UBR3: variants seen among roughly 807,000 people sequenced by gnomAD.
UBR3 encodes ubiquitin protein ligase E3 component n-recognin 3.
UBR3 carries 85 observed loss-of-function variants against 243.2 expected under a neutral mutation model. The observed-to-expected ratio is 0.35, with a 90% CI of 0.29 to 0.42. The LOEUF is 0.42. Among genes scored for constraint, UBR3 ranks in the 10% least tolerant of loss-of-function variants. The probability of loss-of-function intolerance (pLI) is 1.00; values close to 1 mark genes in which losing one functional copy is unlikely to be tolerated. For missense variants in UBR3, 1,686 were observed against 2,300.8 expected (o/e 0.73, Z 5.47); for synonymous variants, 748 against 799.8 (o/e 0.94, Z 1.09).
chr2:169,964,548 A>C, intron 24 of UBR3: 1 of 433,438 alleles, frequency 2.3e-6, no homozygotes, highest in South Asian at 1.8e-5. Context: ...GGTAAGTTCC[A>C]CTGGCTTTAA....
At chr2:170,015,775 A>G (rs988158471) in intron 30 of UBR3, among the ~76,000 whole-genome samples, 1 of 151,944 alleles carries the variant, frequency 6.6e-6, no homozygotes, top group African/African-American at 2.4e-5. Flanking sequence ...TGATGTGTAT[A>G]TTAAAATGTA....
At chr2:169,961,151 C>T (rs2087553863) in intron 24 of UBR3, among the ~76,000 whole-genome samples, 1 of 151,980 alleles carries the variant, frequency 6.6e-6, no homozygotes. Flanking sequence ...CTCAATCATA[C>T]AGTAGTCTTT....
At position 170,081,851 on chromosome 2, in the gene UBR3, C is replaced by T; in HGVS notation, c.*8C>T. The T allele has an allele frequency of 6.5e-7, 1 of 1,526,870 alleles. No individual in the cohort carries two copies. The highest frequency in any genetic ancestry group is 8.9e-7 in the Non-Finnish European group (1 of 1,122,962). 94.6% of individuals were successfully genotyped at this position (1,526,870 alleles called of 1,614,324 possible). A position where few individuals can be genotyped will look rare whatever the true frequency, so the allele number is the denominator to read the frequency against. ...CATTACAATGGGCTGTGACTCTCCA[C>T]CTCAGCATTGCATCGTATCATCATT... On this transcript the variant is annotated 3_prime_UTR_variant, in exon 39 of 39. Coordinates refer to ENST00000272793, the MANE Select transcript of UBR3 (RefSeq NM_172070.4).
Position 170,080,574 on chromosome 2 carries a change from T to G in UBR3, c.5439T>G (p.Gly1813=), listed in dbSNP as rs769563045. The part of the protein sequence containing the change: ...LHSQNCGAGT[G]IFLLINASVI... The stretch of plus-strand genomic sequence containing the variant: ...CTCAGAACTGTGGTGCAGGAACAGG[T>G]ATTTTCCTTTTGATCAATGCATCGG... The change falls in exon 38 of 39, where the codon GGT becomes GGG. Residue 1813 remains glycine, a synonymous_variant. Coordinates refer to ENST00000272793, the MANE Select transcript of UBR3 (RefSeq NM_172070.4). 15 of 1,613,724 alleles carry G rather than the reference T, an allele frequency of 9.3e-6. No homozygotes were observed. The highest frequency in any genetic ancestry group is 1.2e-5 in the Non-Finnish European group (14 of 1,179,808).
chr2:170,053,349 A>G (rs2091264762), intron 32 of UBR3, among the ~76,000 whole-genome samples: 1 of 152,214 alleles, frequency 6.6e-6, no homozygotes, highest in Non-Finnish European at 1.5e-5. Flanking sequence ...TTGGGCACTG[A>G]GTCTCTAATG....
intron 24 of UBR3, among the ~76,000 whole-genome samples, chr2:169,979,743 G>A (rs1320610649): frequency 6.6e-6 from 1 of 152,174 alleles, no homozygotes; most frequent in Non-Finnish European, 1.5e-5. Context: ...CAGGGTTGAG[G>A]CACAGGTGAA....
intron 33 of UBR3, 62 bp downstream of exon 33, chr2:170,055,646 T>G: frequency 6.3e-7 from 1 of 1,591,326 alleles, no homozygotes; most frequent in Non-Finnish European, 8.6e-7. Context: ...CTGGGGATAT[T>G]GAGTGAATAA....
chr2:169,890,569 A>ATATATGTGTG, intron 5 of UBR3, among the ~76,000 whole-genome samples: 2 of 101,546 alleles, frequency 2.0e-5, no homozygotes, highest in South Asian at 6.5e-4. Context: ...ATATATGTGT[A>ATATATGTGTG]TATATATATA....
chr2:169,956,382 C>T (rs1308643864), intron 23 of UBR3, among the ~76,000 whole-genome samples: 4 of 151,230 alleles, frequency 2.6e-5, no homozygotes, highest in Admixed American at 2.6e-4. Flanking sequence ...ATACAAATGC[C>T]CTCCCGTGCC....
chr2:170,078,316 G>A (rs1316497448), intron 36 of UBR3: 4 of 273,860 alleles, frequency 1.5e-5, no homozygotes. Context: ...AGCCCCTGGG[G>A]TGCGAAAATG....
At chr2:169,832,000 T>C (rs2081955264) in intron 1 of UBR3, among the ~76,000 whole-genome samples, 1 of 152,220 alleles carries the variant, frequency 6.6e-6, no homozygotes, top group African/African-American at 2.4e-5. Context: ...ATAATCCTTT[T>C]CACCAGTGTC....
At chr2:169,835,740 C>G (rs2082063741) in intron 1 of UBR3, among the ~76,000 whole-genome samples, 1 of 151,852 alleles carries the variant, frequency 6.6e-6, no homozygotes, top group African/African-American at 2.4e-5. Flanking sequence ...CGTGCGTGGC[C>G]TAATTTTTAA....
chr2:169,932,770 C>A, intron 18 of UBR3, 142 bp from the exon 19 acceptor site: 1 of 648,288 alleles, frequency 1.5e-6, no homozygotes, highest in Non-Finnish European at 2.5e-6. Flanking sequence ...ATCATGGCAT[C>A]AAGCTTCTTA....
At chr2:170,004,315 G>T (rs1384553489) in intron 27 of UBR3, among the ~76,000 whole-genome samples, 2 of 152,166 alleles carry the variant, frequency 1.3e-5, no homozygotes, top group African/African-American at 2.4e-5. Flanking sequence ...GACACTGAAA[G>T]ATTTTGATTG....
At position 170,061,159 on chromosome 2, in the gene UBR3, T is replaced by A; in HGVS notation, c.4866T>A (p.His1622Gln). The A allele has an allele frequency of 6.3e-7, 1 of 1,599,798 alleles. No individual in the cohort carries two copies. ...AACTATTTAAAGGAAAGTTATACCA[T>A]GAAGAAGGAACTCAGGAATGTGCAA... Reference protein sequence around the residue: ...ISELFKGKLYHEEGTQECAMV... With the variant: ...ISELFKGKLYQEEGTQECAMV... The change falls in exon 34 of 39, where the codon CAT (histidine) becomes CAA (glutamine). Residue 1622 changes from histidine (H) to glutamine (Q), a missense_variant. Coordinates refer to ENST00000272793, the MANE Select transcript of UBR3 (RefSeq NM_172070.4).
In UBR3 at chr2:169,905,199, T is replaced by C; in HGVS notation, c.1551T>C (p.Phe517=). ...CTTACTGGCCTCTTGTTAGTGATTT[T>C]ATTAATATTCTTTCTCATCAAAGTG... ...NNTYWPLVSD[F]INILSHQSVA... The change falls in exon 9 of 39, where the codon TTT becomes TTC. Residue 517 remains phenylalanine (F), a synonymous_variant. Transcript: ENST00000272793. 1 of 1,542,738 alleles carries C rather than the reference T, an allele frequency of 6.5e-7. No homozygotes were observed. Among genetic ancestry groups the C allele is most frequent in the Admixed American group, 2.0e-5 (1 of 49,856 alleles).
chr2:170,007,374 A>G (rs1221927247), intron 28 of UBR3, among the ~76,000 whole-genome samples, 184 bp downstream of exon 28: 3 of 152,220 alleles, frequency 2.0e-5, no homozygotes, highest in African/African-American at 2.4e-5. Flanking sequence ...ATCAAAGGCT[A>G]TACTTCTCTT....
chr2:169,854,058 TA>T (rs1211739895), intron 1 of UBR3, among the ~76,000 whole-genome samples: 5 of 151,866 alleles, frequency 3.3e-5, no homozygotes, highest in African/African-American at 1.2e-4. Flanking sequence ...TTAGGACAAA[TA>T]CCTAATGCAT....
chr2:169,949,840 A>ACTAT lies in UBR3; in HGVS notation c.3322_3325dup (p.Pro1109LeufsTer6), dbSNP rs1559124973. 6.4e-7 allele frequency: 1 copy of ACTAT among 1,570,204 alleles called. No individual in the cohort carries two copies. Among genetic ancestry groups the ACTAT allele is most frequent in the Non-Finnish European group, 8.7e-7 (1 of 1,155,782 alleles). ...AAACTCTCAGGAAAACAAAACTCCT[A>ACTAT]CTATCCTCCTTGGCTTGATGACATA... On this transcript the variant is annotated frameshift_variant, in exon 23 of 39. Transcript: ENST00000272793. LOFTEE classifies it high-confidence loss of function.
Sources: gnomAD v4.1 joint callset for allele counts (sites outside exome capture counted in the v4.1 genomes callset) on GRCh38, gnomAD v4.1.1 for gene constraint, MANE v1.5 for transcripts, NCBI Gene and HGNC (gene_info 2026-07-23, HGNC 2026-07-21) for gene names.